The following MYO1F variants were observed in gnomAD, a reference collection of about 807,000 sequenced individuals.
MYO1F encodes the protein myosin IF, also known as unconventional myosin-If.
In MYO1F, 60 loss-of-function variants were observed where a neutral mutation model predicts 146.6. The ratio of observed to expected loss-of-function variants is 0.41; its 90% CI spans 0.33 to 0.51. The LOEUF (loss-of-function observed/expected upper bound fraction) is 0.51. Among genes scored for constraint, MYO1F ranks in the 20% least tolerant of loss-of-function variants. The probability of loss-of-function intolerance (pLI) is 0.25; values close to 1 mark genes in which losing one functional copy is unlikely to be tolerated. For missense variants in MYO1F, 1,274 were observed against 1,534.3 expected (o/e 0.83, Z 2.83); for synonymous variants, 602 against 602.1 (o/e 1.00, Z 0.00).
In MYO1F at chr19:8,553,480, A is replaced by G. The variant is rs747664426; in HGVS notation, c.327-43T>C. 32 of 1,537,874 alleles carry G rather than the reference A, an allele frequency of 2.1e-5. 1 individual carries two copies. The Admixed American group carries it at 2.5e-4, about 12-fold the overall frequency. ...AATAAATGATCAGTGGTTGGGGAAGAGCCCTTTTTAGTGCCTGACCATTCA... is the reference window on the plus strand; with the variant it reads ...AATAAATGATCAGTGGTTGGGGAAGGGCCCTTTTTAGTGCCTGACCATTCA... On this transcript the variant is annotated intron_variant, in intron 4 of 27. Coordinates refer to ENST00000644032, the MANE Select transcript of MYO1F (RefSeq NM_012335.4).
At chr19:8,565,775 CA>C (rs1254455206) in intron 1 of MYO1F, among the ~76,000 whole-genome samples, 2 of 151,260 alleles carry the variant, frequency 1.3e-5, no homozygotes, top group Non-Finnish European at 2.9e-5. Context: ...GAAATAACAA[CA>C]ATAGAAAACA....
intron 12 of MYO1F, among the ~76,000 whole-genome samples, chr19:8,545,941 G>T (rs1275801074): frequency 6.6e-6 from 1 of 152,052 alleles, no homozygotes; most frequent in Non-Finnish European, 1.5e-5. Flanking sequence ...AGGAGTGGGT[G>T]GATAAATACC....
Position 8,536,284 on chromosome 19 carries a change from T to A in MYO1F, c.2011A>T (p.Ser671Cys). The A allele has an allele frequency of 3.1e-6, 5 of 1,607,454 alleles. No individual in the cohort carries two copies. Among genetic ancestry groups the A allele is most frequent in the Non-Finnish European group, 4.2e-6 (5 of 1,179,960 alleles). ...NMEPDQYQMGSTKVFVKNPES... is the reference protein window; with the variant it reads ...NMEPDQYQMGCTKVFVKNPES... Reference sequence around the variant, plus strand: ...GGGTTCTTGACAAAGACCTTGGTGCTCCCCATCTGGTACTGGTCGGGCTCC... The same window carrying A: ...GGGTTCTTGACAAAGACCTTGGTGCACCCCATCTGGTACTGGTCGGGCTCC... Residue 671 changes from serine to cysteine, a missense_variant, in exon 19 of 28, where the codon AGC becomes TGC. Physicochemically the swap from Ser to Cys is moderately radical, Grantham distance 112. This residue lies in a region of MYO1F where 900 missense variants were observed against 1,155.1 expected (regional missense o/e 0.78). Transcript: ENST00000644032.
intron 15 of MYO1F, 163 bp from the exon 16 acceptor site, chr19:8,540,191 G>T: frequency 1.7e-6 from 1 of 581,060 alleles, no homozygotes; most frequent in Non-Finnish European, 3.0e-6. Flanking sequence ...TTTTTGGTTT[G>T]TTTTTTGAGG....
chr19:8,554,750 G>A lies in MYO1F; in HGVS notation c.142-7C>T. The A allele has an allele frequency of 6.2e-7, 1 of 1,613,586 alleles. No homozygotes were observed. The highest frequency in any genetic ancestry group is 8.5e-7 in the Non-Finnish European group (1 of 1,179,602). Reference sequence around the variant, plus strand: ...GCACAGAGCCGATGTAGGTCTGAGGGATGGTTAAGGGTCGTGTGGTGTCCT... The same window carrying A: ...GCACAGAGCCGATGTAGGTCTGAGGAATGGTTAAGGGTCGTGTGGTGTCCT... On this transcript the variant is annotated splice_region_variant and splice_polypyrimidine_tract_variant and intron_variant, in intron 2 of 27. Transcript: ENST00000644032.
At chr19:8,553,894 A>ACACACACACACACACACACTCTCTCTCT in intron 4 of MYO1F, among the ~76,000 whole-genome samples, 74 of 102,612 alleles carry the variant, frequency 7.2e-4, no homozygotes, top group East Asian at 5.0e-3. Flanking sequence ...ACACACACAC[A>ACACACACACACACACACACTCTCTCTCT]CTCTCTCTCT....
chr19:8,536,619 G>A, intron 17 of MYO1F, 22 bp from the exon 18 acceptor site: 1 of 1,341,676 alleles, frequency 7.5e-7, no homozygotes, highest in South Asian at 1.2e-5. Flanking sequence ...GGTAGGCTGA[G>A]TCCCCTCGGG....
At chr19:8,523,234 C>T (rs964074749) in intron 25 of MYO1F, among the ~76,000 whole-genome samples, 34 of 152,052 alleles carry the variant, frequency 2.2e-4, no homozygotes, top group Admixed American at 1.3e-3. Flanking sequence ...GGAGTTTCAT[C>T]ATGTTAGCCA....
chr19:8,551,210 C>G (rs762469002), intron 8 of MYO1F, among the ~76,000 whole-genome samples: 1 of 151,742 alleles, frequency 6.6e-6, no homozygotes. Flanking sequence ...TGGCATCATA[C>G]CCGGCTAATC....
intron 8 of MYO1F, chr19:8,551,502 C>A: frequency 1.9e-6 from 1 of 528,608 alleles, no homozygotes; most frequent in South Asian, 2.0e-5. Flanking sequence ...CAGTCACACG[C>A]CACCACATCT....
intron 1 of MYO1F, among the ~76,000 whole-genome samples, chr19:8,566,904 G>A (rs1451499728): frequency 6.6e-6 from 1 of 151,904 alleles, no homozygotes; most frequent in Non-Finnish European, 1.5e-5. Context: ...TTGAACTCCT[G>A]AATTTCAAGT....
At chr19:8,537,410 G>C (rs1025552169) in intron 16 of MYO1F, among the ~76,000 whole-genome samples, 1 of 152,058 alleles carries the variant, frequency 6.6e-6, no homozygotes, top group African/African-American at 2.4e-5. Flanking sequence ...TGGGGAGATA[G>C]GTACCTTGGG....
rs1248226631 is a variant in MYO1F at position 8,533,400 on chromosome 19, G to A, written c.2044-2827C>T. Among the ~76,000 whole-genome samples the A allele has an allele frequency of 2.7e-5, 4 of 149,378 alleles. No individual in the cohort carries two copies. In the East Asian group the frequency reaches 7.9e-4, roughly 30 times the overall value. The stretch of plus-strand genomic sequence containing the variant: ...GACGGAGTCTTGCTCTGTCGCTCAG[G>A]CTGGAGTGCAGTGGTGCGATCTTGG... On this transcript the variant is annotated intron_variant, in intron 19 of 27. Transcript: ENST00000644032.
chr19:8,544,085 G>A (rs1973226603), intron 14 of MYO1F: 4 of 616,188 alleles, frequency 6.5e-6, no homozygotes, highest in East Asian at 5.6e-5. Flanking sequence ...GACAAGTTTG[G>A]GGCTTAGAGA....
chr19:8,529,362 C>A (rs1245611208), intron 21 of MYO1F, among the ~76,000 whole-genome samples: 2 of 152,084 alleles, frequency 1.3e-5, no homozygotes, highest in Non-Finnish European at 2.9e-5. Context: ...TCTGGGTGTA[C>A]CTGTGGACAG....
chr19:8,566,813 C>T (rs570940459), intron 1 of MYO1F, among the ~76,000 whole-genome samples: 237 of 151,584 alleles, frequency 1.6e-3, no homozygotes, highest in African/African-American at 5.5e-3. Flanking sequence ...CATAACTGGC[C>T]TTTATTTATT....
In MYO1F at chr19:8,530,156, G is replaced by A; in HGVS notation, c.2328+40C>T. 2.5e-6 allele frequency: 4 copies of A among 1,613,366 alleles called. No homozygotes were observed. The highest frequency in any genetic ancestry group is 3.4e-6 in the Non-Finnish European group (4 of 1,179,642). On this transcript the variant is annotated intron_variant, in intron 21 of 27. Transcript: ENST00000644032. The surrounding 1 kb of genome is among the most constrained non-coding windows in gnomAD (Gnocchi z 5.8). Reference sequence around the variant, plus strand: ...CTGGGCCAGGTGAGGGTGCCAGGCTGTAGTCAGGGTCTTGCTGTGCCCACC... The same window carrying A: ...CTGGGCCAGGTGAGGGTGCCAGGCTATAGTCAGGGTCTTGCTGTGCCCACC...
rs760958971 is a variant in MYO1F, at chr19:8,544,473, C to T, written c.1357-9G>A. The T allele has an allele frequency of 4.1e-5, 66 of 1,604,484 alleles. No individual in the cohort carries two copies. The Admixed American group carries it at 6.4e-4, about 15-fold the overall frequency. On this transcript the variant is annotated splice_polypyrimidine_tract_variant and intron_variant, in intron 13 of 27. Coordinates refer to ENST00000644032, the MANE Select transcript of MYO1F (RefSeq NM_012335.4). Reference sequence around the variant, plus strand: ...ATGATGCCTGGGGGGCTCTGCGGGGCGAGCGGGAGCCAGCAGCGGCTCAGT... The same window carrying T: ...ATGATGCCTGGGGGGCTCTGCGGGGTGAGCGGGAGCCAGCAGCGGCTCAGT...
chr19:8,539,641 C>T (rs1449274361), intron 16 of MYO1F, among the ~76,000 whole-genome samples: 1 of 151,852 alleles, frequency 6.6e-6, no homozygotes, highest in Non-Finnish European at 1.5e-5. Flanking sequence ...AATTTTATGT[C>T]ATGTATATTT....
Sources: allele counts gnomAD v4.1 joint callset (sites outside exome capture counted in the v4.1 genomes callset), GRCh38; gene constraint gnomAD v4.1.1; regional missense constraint gnomAD v4.1.1; non-coding constraint Gnocchi (gnomAD v3.1); transcripts MANE v1.5; gene names NCBI Gene and HGNC (gene_info 2026-07-23, HGNC 2026-07-21).